The following CIAO1 variants were observed in gnomAD, a reference collection of about 807,000 sequenced individuals.
CIAO1 encodes the protein cytosolic iron-sulfur assembly component 1, also known as probable cytosolic iron-sulfur protein assembly protein CIAO1.
CIAO1 carries 32 observed loss-of-function variants against 43.1 expected under a neutral mutation model. The observed-to-expected ratio is 0.74, with a 90% CI of 0.56 to 1.00. The LOEUF (loss-of-function observed/expected upper bound fraction) is 1.00. Ranked by LOEUF, CIAO1 falls within the 50% of genes least tolerant of loss-of-function variation. CIAO1 has a pLI of 0.00. For missense variants in CIAO1, 415 were observed against 437.4 expected (o/e 0.95, Z 0.46); for synonymous variants, 183 against 171.4 (o/e 1.07, Z -0.53).
intron 6 of CIAO1, 75 bp from the exon 7 acceptor site, chr2:96,271,036 C>A: frequency 1.3e-6 from 2 of 1,575,588 alleles, no homozygotes; most frequent in Non-Finnish European, 1.7e-6. Flanking sequence ...GGGAAGAGAA[C>A]AGGCCAGGAA....
rs777862534 is a variant in CIAO1 at position 96,266,529 on chromosome 2, G to A, written c.139+40G>A. On this transcript the variant is annotated intron_variant, in intron 1 of 6. Transcript: ENST00000488633. ...GGTTGCGCGGCCCTCAGCGCTGAGG[G>A]CTCAGCCTGCGCGTAGTGCAGGCGC... 4.3e-6 allele frequency: 6 copies of A among 1,385,780 alleles called. No individual in the cohort carries two copies. The Admixed American group carries it at 1.1e-4, about 24-fold the overall frequency. 85.8% of individuals were successfully genotyped at this position (1,385,780 alleles called of 1,614,324 possible). A position where few individuals can be genotyped will look rare whatever the true frequency, so the allele number is the denominator to read the frequency against.
Position 96,271,706 on chromosome 2 carries a change from T to A in CIAO1, c.*355T>A, listed in dbSNP as rs116173122. 490 of 172,704 alleles carry A rather than the reference T, an allele frequency of 2.8e-3. 3 individuals carry two copies. The highest frequency in any genetic ancestry group is 0.011 in the African/African-American group (472 of 42,174). The allele number at this position is 172,704 out of a possible 1,614,324, so 10.7% of individuals were successfully genotyped here. On this transcript the variant is annotated 3_prime_UTR_variant, in exon 7 of 7. Transcript: ENST00000488633. ...GAAGTTGCAAGACTTAAAGAAATAATCCATCTGCATCCCAAGTCCTATTTT... is the reference window on the plus strand; with the variant it reads ...GAAGTTGCAAGACTTAAAGAAATAAACCATCTGCATCCCAAGTCCTATTTT...
rs771485213 is a variant in CIAO1 at position 96,268,520 on chromosome 2, G to A, written c.553G>A (p.Val185Ile). 4 of 1,614,214 alleles carry A rather than the reference G, an allele frequency of 2.5e-6. No individual in the cohort carries two copies. The highest frequency in any genetic ancestry group is 2.2e-5 in the East Asian group (1 of 44,882). ...KLYREEEDDW[V>I]CCATLEGHES... ...GTACCGGGAGGAAGAGGATGACTGGGTATGCTGTGCCACCCTTGAGGGCCA... is the reference window on the plus strand; with the variant it reads ...GTACCGGGAGGAAGAGGATGACTGGATATGCTGTGCCACCCTTGAGGGCCA... Residue 185 changes from valine (V) to isoleucine (I), a missense_variant, in exon 5 of 7, where the codon GTA becomes ATA. Coordinates refer to ENST00000488633, the MANE Select transcript of CIAO1 (RefSeq NM_004804.3).
intron 1 of CIAO1, among the ~76,000 whole-genome samples, chr2:96,266,797 A>G (rs1421633156): frequency 6.6e-6 from 1 of 152,232 alleles, no homozygotes; most frequent in East Asian, 1.9e-4. Flanking sequence ...TCCCGAGGGC[A>G]TTGGGGAACC....
chr2:96,271,641 CTATA>C lies in CIAO1; in HGVS notation c.*295_*298del. ...GAGGTAAATATACTATTTATAATCA[CTATA>C]TATAGTAGGAGGGGGTATGTGTCTC... On this transcript the variant is annotated 3_prime_UTR_variant, in exon 7 of 7. Coordinates refer to ENST00000488633, the MANE Select transcript of CIAO1 (RefSeq NM_004804.3). The C allele has an allele frequency of 9.4e-6, 3 of 318,068 alleles. No individual in the cohort carries two copies. The highest frequency in any genetic ancestry group is 8.4e-5 in the South Asian group (2 of 23,852). 19.7% of individuals were successfully genotyped at this position (318,068 alleles called of 1,614,324 possible).
chr2:96,268,512 A>G lies in CIAO1; in HGVS notation c.545A>G (p.Asp182Gly), dbSNP rs1430223655. The G allele has an allele frequency of 6.2e-7, 1 of 1,614,180 alleles. No homozygotes were observed. Among genetic ancestry groups the G allele is most frequent in the Non-Finnish European group, 8.5e-7 (1 of 1,180,032 alleles). ...GTGAAGCTGTACCGGGAGGAAGAGG[A>G]TGACTGGGTATGCTGTGCCACCCTT... ...DTVKLYREEE[D>G]DWVCCATLEG... The change falls in exon 5 of 7, where the codon GAT (aspartate) becomes GGT (glycine). Residue 182 changes from aspartate (D) to glycine (G), a missense_variant. Transcript: ENST00000488633.
Position 96,268,627 on chromosome 2 carries a change from C to T in CIAO1, c.660C>T (p.Ile220=). 6.2e-7 allele frequency: 1 copy of T among 1,614,224 alleles called. No individual in the cohort carries two copies. Among genetic ancestry groups the T allele is most frequent in the Non-Finnish European group, 8.5e-7 (1 of 1,180,048 alleles). The change falls in exon 5 of 7, where the codon ATC becomes ATT. Residue 220 remains isoleucine, a synonymous_variant. Coordinates refer to ENST00000488633, the MANE Select transcript of CIAO1 (RefSeq NM_004804.3). ...ASCSDDRTVR[I]WRQYLPGNEQ... is the part of the protein sequence containing the mutation. ...GTAGTGATGACCGTACTGTGCGTATCTGGCGTCAGTATCTACCAGGCAATG... is the reference window on the plus strand; with the variant it reads ...GTAGTGATGACCGTACTGTGCGTATTTGGCGTCAGTATCTACCAGGCAATG...
rs570240999 is a variant in CIAO1 at position 96,271,336 on chromosome 2, G to A, written c.1005G>A (p.Arg335=). ...DGEVAFWKYQ[R]PEGL is the part of the protein sequence containing the mutation. ...AGGTGGCCTTCTGGAAGTATCAGCGGCCTGAAGGCCTCTGAGCTACCTCGA... is the reference window on the plus strand; with the variant it reads ...AGGTGGCCTTCTGGAAGTATCAGCGACCTGAAGGCCTCTGAGCTACCTCGA... Residue 335 remains arginine, a synonymous_variant, in exon 7 of 7, where the codon CGG becomes CGA. Coordinates refer to ENST00000488633, the MANE Select transcript of CIAO1 (RefSeq NM_004804.3). 62 of 1,613,802 alleles carry A rather than the reference G, an allele frequency of 3.8e-5. No homozygotes were observed. Among genetic ancestry groups the A allele is most frequent in the Non-Finnish European group, 5.0e-5 (59 of 1,180,022 alleles).
At chr2:96,270,842 T>C (rs918649605) in intron 6 of CIAO1, among the ~76,000 whole-genome samples, 1 of 148,694 alleles carries the variant, frequency 6.7e-6, no homozygotes, top group African/African-American at 2.5e-5. Flanking sequence ...CTTTATGACA[T>C]GGGAAACTGC....
intron 6 of CIAO1, among the ~76,000 whole-genome samples, chr2:96,270,071 A>C (rs1323140148): frequency 1.3e-5 from 2 of 152,244 alleles, no homozygotes; most frequent in Admixed American, 6.5e-5. Context: ...AGGAAATCCA[A>C]AACAGTGAAA....
chr2:96,268,806 A>G (rs1338681488), intron 5 of CIAO1, 148 bp downstream of exon 5: 1 of 715,284 alleles, frequency 1.4e-6, no homozygotes. Context: ...GAATCAGGAA[A>G]GTTTTGTAGA....
intron 2 of CIAO1, 55 bp from the exon 3 acceptor site, chr2:96,267,570 A>G: frequency 3.7e-6 from 6 of 1,608,052 alleles, no homozygotes; most frequent in Admixed American, 1.7e-5. Context: ...ACCCATGGGA[A>G]GGGGCTTAGG....
rs760031180 is a variant in CIAO1 at position 96,269,366 on chromosome 2, AT to A, written c.779+12del. ...TTATGACATTGCTTGGTAAGACTCC[AT>A]CCCCCCACCCCATCCCATCCCCATA... On this transcript the variant is annotated intron_variant, in intron 6 of 6. Coordinates refer to ENST00000488633, the MANE Select transcript of CIAO1 (RefSeq NM_004804.3). The A allele has an allele frequency of 6.2e-7, 1 of 1,608,750 alleles. No homozygotes were observed. Among genetic ancestry groups the A allele is most frequent in the Admixed American group, 1.7e-5 (1 of 60,004 alleles).
chr2:96,266,248 G>T lies in CIAO1; in HGVS notation c.-103G>T. 8.1e-7 allele frequency: 1 copy of T among 1,230,674 alleles called. No homozygotes were observed. Among genetic ancestry groups the T allele is most frequent in the Non-Finnish European group, 1.0e-6 (1 of 972,924 alleles). 76.2% of individuals were successfully genotyped at this position (1,230,674 alleles called of 1,614,324 possible). On this transcript the variant is annotated 5_prime_UTR_variant, in exon 1 of 7. Transcript: ENST00000488633. The stretch of plus-strand genomic sequence containing the variant: ...CCGGCGGAAGCGGGAGCCTCTGTCG[G>T]CCGCGGAAGCCTGGAGTGGGCGGTA...
chr2:96,266,500 G>T lies in CIAO1; in HGVS notation c.139+11G>T. On this transcript the variant is annotated intron_variant, in intron 1 of 6. Transcript: ENST00000488633. ...TCTGGGGCACGGAGGGTAAGGCCCA[G>T]CCTGGTTGCGCGGCCCTCAGCGCTG... The T allele has an allele frequency of 6.7e-7, 1 of 1,489,828 alleles. No individual in the cohort carries two copies. Among genetic ancestry groups the T allele is most frequent in the Non-Finnish European group, 9.0e-7 (1 of 1,109,026 alleles). The allele number at this position is 1,489,828 out of a possible 1,614,324, so 92.3% of individuals were successfully genotyped here.
Position 96,271,478 on chromosome 2 carries a change from T to A in CIAO1, c.*127T>A. 1 of 1,168,918 alleles carries A rather than the reference T, an allele frequency of 8.6e-7. No homozygotes were observed. The highest frequency in any genetic ancestry group is 1.2e-6 in the Non-Finnish European group (1 of 844,638). The allele number at this position is 1,168,918 out of a possible 1,614,324, so 72.4% of individuals were successfully genotyped here. A position where few individuals can be genotyped will look rare whatever the true frequency, so the allele number is the denominator to read the frequency against. On this transcript the variant is annotated 3_prime_UTR_variant, in exon 7 of 7. Coordinates refer to ENST00000488633, the MANE Select transcript of CIAO1 (RefSeq NM_004804.3). ...AACTTGGCTCACTTCTCTTCAGACT[T>A]GGGTAGAAGTGCAGAGCCACAGAAT... is the stretch of plus-strand genomic sequence containing the variant.
At chr2:96,268,151 C>T (rs931991686) in intron 4 of CIAO1, among the ~76,000 whole-genome samples, 4 of 152,116 alleles carry the variant, frequency 2.6e-5, no homozygotes, top group Admixed American at 2.6e-4. Context: ...GTCAGGAGTT[C>T]GAGACCAGCC....
Position 96,271,630 on chromosome 2 carries a change from AT to A in CIAO1, c.*282del, listed in dbSNP as rs995807609. On this transcript the variant is annotated 3_prime_UTR_variant, in exon 7 of 7. Transcript: ENST00000488633. ...TAAATTTTTTGGAGGTAAATATACT[AT>A]TTATAATCACTATATATAGTAGGAG... The A allele has an allele frequency of 2.6e-6, 1 of 387,744 alleles. No homozygotes were observed. Among genetic ancestry groups the A allele is most frequent in the Admixed American group, 4.2e-5 (1 of 23,914 alleles). The allele number at this position is 387,744 out of a possible 1,614,324, so 24.0% of individuals were successfully genotyped here. A position where few individuals can be genotyped will look rare whatever the true frequency, so the allele number is the denominator to read the frequency against.
intron 6 of CIAO1, among the ~76,000 whole-genome samples, chr2:96,269,887 C>T (rs961964760): frequency 6.6e-6 from 1 of 152,018 alleles, no homozygotes; most frequent in Non-Finnish European, 1.5e-5. Context: ...CCTCATGATC[C>T]GCCCACCTTG....
Sources: allele counts gnomAD v4.1 joint callset (sites outside exome capture counted in the v4.1 genomes callset), GRCh38; gene constraint gnomAD v4.1.1; transcripts MANE v1.5; gene names NCBI Gene and HGNC (gene_info 2026-07-23, HGNC 2026-07-21).